The following GRIN2A variants were observed in gnomAD, a reference collection of about 807,000 sequenced individuals.
The protein encoded by GRIN2A is glutamate ionotropic receptor NMDA type subunit 2A.
Under a neutral mutation model 113.4 loss-of-function variants are expected in GRIN2A, and 22 were observed. That is an observed-to-expected ratio of 0.19 (90% CI 0.14 to 0.28). The LOEUF (loss-of-function observed/expected upper bound fraction) is 0.28, where lower values mean the gene tolerates loss of function less well. Among genes scored for constraint, GRIN2A ranks in the 10% least tolerant of loss-of-function variants. The pLI is 1.00. For synonymous variants in GRIN2A, 827 were observed against 738.4 expected (o/e 1.12, Z -1.94); for missense variants, 1,502 against 1,887.0 (o/e 0.80, Z 3.78).
At chr16:9,875,684 C>A (rs1490302907) in intron 4 of GRIN2A, among the ~76,000 whole-genome samples, 1 of 152,188 alleles carries the variant, frequency 6.6e-6, no homozygotes, top group Non-Finnish European at 1.5e-5. Flanking sequence ...GGGGAGAAAT[C>A]TAGCTGCTGC....
At chr16:9,960,759 G>A (rs914863543) in intron 2 of GRIN2A, among the ~76,000 whole-genome samples, 5 of 152,102 alleles carry the variant, frequency 3.3e-5, no homozygotes, top group Admixed American at 1.3e-4. Context: ...CAAGTAGCAG[G>A]GACTACAGGT....
chr16:10,133,458 T>G (rs190189253), intron 2 of GRIN2A, among the ~76,000 whole-genome samples: 2 of 152,054 alleles, frequency 1.3e-5, no homozygotes, highest in Non-Finnish European at 2.9e-5. Context: ...AATACAAAAA[T>G]TAGCCAGGCA....
chr16:9,876,472 C>T (rs1380416284), intron 4 of GRIN2A, among the ~76,000 whole-genome samples: 1 of 152,126 alleles, frequency 6.6e-6, no homozygotes, highest in African/African-American at 2.4e-5. Context: ...AGCTCAGGGC[C>T]TTTGCAGCCT....
At chr16:9,771,112 G>A (rs1329681751) in intron 11 of GRIN2A, among the ~76,000 whole-genome samples, 3 of 151,756 alleles carry the variant, frequency 2.0e-5, no homozygotes, top group Admixed American at 6.6e-5. Context: ...TAGTGTTAGT[G>A]TTTGGGGTTT....
intron 2 of GRIN2A, among the ~76,000 whole-genome samples, chr16:10,069,039 T>C (rs2047701909): frequency 6.6e-6 from 1 of 152,012 alleles, no homozygotes; most frequent in South Asian, 2.1e-4. Flanking sequence ...ACCCCGCAGT[T>C]CATGAGAAGG....
chr16:10,169,287 A>T (rs1340029650), intron 2 of GRIN2A, among the ~76,000 whole-genome samples: 1 of 152,196 alleles, frequency 6.6e-6, no homozygotes, highest in African/African-American at 2.4e-5. Flanking sequence ...GTGCAATGCT[A>T]CATATAATGG....
chr16:10,137,340 G>A (rs1044792194), intron 2 of GRIN2A, among the ~76,000 whole-genome samples: 15 of 152,208 alleles, frequency 9.9e-5, no homozygotes, highest in African/African-American at 3.6e-4. Flanking sequence ...AGGCTGGATT[G>A]AAAGCAGGCC....
chr16:9,879,302 G>C (rs1596532118), intron 4 of GRIN2A, among the ~76,000 whole-genome samples: 1 of 152,138 alleles, frequency 6.6e-6, no homozygotes. Context: ...AGAAAGGAAG[G>C]AGGATGACAG....
At position 9,755,980 on chromosome 16, in the gene GRIN2A, C is replaced by G. The variant is rs1048220507; in HGVS notation, c.*7169G>C. The G allele has an allele frequency of 9.1e-6, 2 of 219,150 alleles. No individual in the cohort carries two copies. The highest frequency in any genetic ancestry group is 1.8e-5 in the Non-Finnish European group (2 of 108,992). The allele number at this position is 219,150 out of a possible 1,614,324, so 13.6% of individuals were successfully genotyped here. ...GAAACTCTATTTCCTATTCCCTGTCCCACCTCTGAAACTCATTCCATCTGC... is the reference window on the plus strand; with the variant it reads ...GAAACTCTATTTCCTATTCCCTGTCGCACCTCTGAAACTCATTCCATCTGC... On this transcript the variant is annotated 3_prime_UTR_variant, in exon 13 of 13. Transcript: ENST00000330684.
intron 2 of GRIN2A, among the ~76,000 whole-genome samples, chr16:10,104,059 C>A (rs1596508919): frequency 6.6e-6 from 1 of 152,186 alleles, no homozygotes; most frequent in African/African-American, 2.4e-5. Context: ...ATGAGCATAA[C>A]CGAAGATACA....
Position 9,754,155 on chromosome 16 carries a change from A to G in GRIN2A, c.*8994T>C. 1 of 185,880 alleles carries G rather than the reference A, an allele frequency of 5.4e-6. No individual in the cohort carries two copies. Among genetic ancestry groups the G allele is most frequent in the Non-Finnish European group, 1.1e-5 (1 of 87,828 alleles). 11.5% of individuals were successfully genotyped at this position (185,880 alleles called of 1,614,324 possible). A position where few individuals can be genotyped will look rare whatever the true frequency, so the allele number is the denominator to read the frequency against. ...TTTCTGAACATTCAGCTTGAAATATATATACTATACATAAACATATACACA... is the reference window on the plus strand; with the variant it reads ...TTTCTGAACATTCAGCTTGAAATATGTATACTATACATAAACATATACACA... On this transcript the variant is annotated 3_prime_UTR_variant, in exon 13 of 13. Transcript: ENST00000330684.
At chr16:10,152,847 A>G (rs1004982270) in intron 2 of GRIN2A, among the ~76,000 whole-genome samples, 2 of 152,256 alleles carry the variant, frequency 1.3e-5, no homozygotes, top group African/African-American at 4.8e-5. Flanking sequence ...AAAAGGTTAC[A>G]TACTGTATGA....
At chr16:10,101,039 G>A (rs6497682) in intron 2 of GRIN2A, among the ~76,000 whole-genome samples, 61,628 of 152,112 alleles carry the variant, frequency 0.41, 12,653 homozygotes, top group East Asian at 0.46. Context: ...CCGCTTTTGA[G>A]CTGAGGTCAC....
chr16:9,838,043 C>T (rs9936542), intron 7 of GRIN2A, among the ~76,000 whole-genome samples: 52,134 of 151,984 alleles, frequency 0.34, 10,622 homozygotes, highest in African/African-American at 0.58. Flanking sequence ...CTGAAGAGAA[C>T]GAAACATGAA....
intron 2 of GRIN2A, among the ~76,000 whole-genome samples, chr16:9,993,358 T>C (rs1045980483): frequency 5.3e-5 from 8 of 152,242 alleles, no homozygotes; most frequent in South Asian, 2.1e-4. Context: ...GAGACTAGTC[T>C]AGGCAACATA....
chr16:10,048,028 G>A (rs571125083), intron 2 of GRIN2A, among the ~76,000 whole-genome samples: 1 of 152,106 alleles, frequency 6.6e-6, no homozygotes, highest in African/African-American at 2.4e-5. Flanking sequence ...ATCACAATCT[G>A]TTTCTGAGGG....
rs1174480940 is a variant in GRIN2A at position 9,891,249 on chromosome 16, A to ATAACCATGCAACCATTGCTAGT, written c.1008-171_1008-150dup. 8.9e-6 allele frequency: 6 copies of ATAACCATGCAACCATTGCTAGT among 677,822 alleles called. No individual in the cohort carries two copies. In the African/African-American group the frequency reaches 1.1e-4, roughly 12 times the overall value. 42.0% of individuals were successfully genotyped at this position (677,822 alleles called of 1,614,324 possible). A position where few individuals can be genotyped will look rare whatever the true frequency, so the allele number is the denominator to read the frequency against. On this transcript the variant is annotated intron_variant, in intron 3 of 12. Coordinates refer to ENST00000330684, the MANE Select transcript of GRIN2A (RefSeq NM_001134407.3). ...AAGAAGCCTCTCTGCAGAAGTATTA[A>ATAACCATGCAACCATTGCTAGT]TAACCATGCAACCATTGCTAGTTGA...
At chr16:9,831,984 T>C (rs2042503537) in intron 8 of GRIN2A, among the ~76,000 whole-genome samples, 1 of 152,112 alleles carries the variant, frequency 6.6e-6, no homozygotes, top group African/African-American at 2.4e-5. Flanking sequence ...AGTGGTGTGA[T>C]CATAGCTCAC....
At chr16:9,866,531 T>A (rs190151389) in intron 4 of GRIN2A, among the ~76,000 whole-genome samples, 4 of 152,182 alleles carry the variant, frequency 2.6e-5, no homozygotes, top group African/African-American at 9.7e-5. Context: ...AATCCCTTTG[T>A]GCACATTGGA....
Sources: allele counts gnomAD v4.1 joint callset (sites outside exome capture counted in the v4.1 genomes callset), GRCh38; gene constraint gnomAD v4.1.1; transcripts MANE v1.5; gene names NCBI Gene and HGNC (gene_info 2026-07-23, HGNC 2026-07-21).